The following NCAPG2 variants were observed in gnomAD, a reference collection of about 807,000 sequenced individuals.
NCAPG2 encodes the protein condensin-2 complex subunit G2.
A neutral mutation model predicts 141.1 loss-of-function variants in NCAPG2; 53 were observed. The ratio of observed to expected loss-of-function variants is 0.38; its 90% CI spans 0.30 to 0.47. The LOEUF (loss-of-function observed/expected upper bound fraction) is 0.47. Ranked by LOEUF, NCAPG2 falls within the 20% of genes least tolerant of loss-of-function variation. The pLI is 0.99. For missense variants in NCAPG2, 1,087 were observed against 1,389.0 expected (o/e 0.78, Z 3.46); for synonymous variants, 499 against 490.7 (o/e 1.02, Z -0.22).
At chr7:158,700,345 G>C (rs1835703874) in intron 2 of NCAPG2, among the ~76,000 whole-genome samples, 1 of 152,218 alleles carries the variant, frequency 6.6e-6, no homozygotes, top group Non-Finnish European at 1.5e-5. Flanking sequence ...CACACAACGG[G>C]TGGCTGGAAA....
rs1439611680 is a variant in NCAPG2 at position 158,672,469 on chromosome 7, A to C, written c.1327-803T>G. Among the ~76,000 whole-genome samples the C allele has an allele frequency of 2.7e-5, 4 of 147,778 alleles. No homozygotes were observed. In the Admixed American group the frequency reaches 2.7e-4, roughly 10 times the overall value. ...GCCATTCTCCTGCCTCAGCCCCCCA[A>C]GTAGCTGAGACTACAGGCGCCCGCC... On this transcript the variant is annotated intron_variant, in intron 12 of 27. Coordinates refer to ENST00000356309, the MANE Select transcript of NCAPG2 (RefSeq NM_017760.7).
At chr7:158,649,258 A>G (rs1334881459) in intron 24 of NCAPG2, among the ~76,000 whole-genome samples, 1 of 152,274 alleles carries the variant, frequency 6.6e-6, no homozygotes, top group Non-Finnish European at 1.5e-5. Flanking sequence ...CCACAATCAC[A>G]TATAAAATAA....
At chr7:158,632,150 T>C (rs921562300) in intron 27 of NCAPG2, among the ~76,000 whole-genome samples, 12 of 152,254 alleles carry the variant, frequency 7.9e-5, no homozygotes, top group African/African-American at 2.9e-4. Flanking sequence ...TCTAATAACC[T>C]GAAGCCTTTA....
chr7:158,666,395 G>A (rs1163268769), intron 13 of NCAPG2, among the ~76,000 whole-genome samples: 1 of 152,038 alleles, frequency 6.6e-6, no homozygotes, highest in Non-Finnish European at 1.5e-5. Context: ...CAACCAACCT[G>A]TCTGGAAATG....
chr7:158,682,856 C>A (rs1280926954), intron 9 of NCAPG2, among the ~76,000 whole-genome samples: 1 of 151,996 alleles, frequency 6.6e-6, no homozygotes, highest in Non-Finnish European at 1.5e-5. Flanking sequence ...TATCTAAATT[C>A]TGAGATTAAT....
In NCAPG2 at chr7:158,655,107, A is replaced by C; in HGVS notation, c.2646+11T>G. On this transcript the variant is annotated intron_variant, in intron 21 of 27. Coordinates refer to ENST00000356309, the MANE Select transcript of NCAPG2 (RefSeq NM_017760.7). Reference sequence around the variant, plus strand: ...TAAAGAGAAAGTTTTCTGTGTCTTAAGACTTCTAACCTGGATAATTTGCTG... The same window carrying C: ...TAAAGAGAAAGTTTTCTGTGTCTTACGACTTCTAACCTGGATAATTTGCTG... The C allele has an allele frequency of 6.3e-7, 1 of 1,593,370 alleles. No individual in the cohort carries two copies. Among genetic ancestry groups the C allele is most frequent in the Non-Finnish European group, 8.5e-7 (1 of 1,174,100 alleles).
chr7:158,659,839 C>T (rs1457358262), intron 16 of NCAPG2, among the ~76,000 whole-genome samples: 1 of 152,090 alleles, frequency 6.6e-6, no homozygotes, highest in Non-Finnish European at 1.5e-5. Flanking sequence ...TGGCTGGGCA[C>T]GGTGGCTCAC....
chr7:158,686,317 C>A, intron 7 of NCAPG2, 76 bp from the exon 8 acceptor site: 1 of 839,588 alleles, frequency 1.2e-6, no homozygotes. Flanking sequence ...TTCAGCTACT[C>A]TCCAACCATA....
rs1831776402 is a variant in NCAPG2 at position 158,654,773 on chromosome 7, A to G, written c.2647-79T>C. 6 of 1,520,220 alleles carry G rather than the reference A, an allele frequency of 3.9e-6. No individual in the cohort carries two copies. The Admixed American group carries it at 9.2e-5, about 23-fold the overall frequency. The allele number at this position is 1,520,220 out of a possible 1,614,324, so 94.2% of individuals were successfully genotyped here. ...AATCCAGCCTCACAAAGCTTCTCCT[A>G]TCCATGTGCTAGTTATCTTATAAAG... On this transcript the variant is annotated intron_variant, in intron 21 of 27. Transcript: ENST00000356309.
chr7:158,637,578 C>CCGAGCCACA (rs1461010958), intron 27 of NCAPG2, among the ~76,000 whole-genome samples: 105 of 151,830 alleles, frequency 6.9e-4, no homozygotes, highest in Middle Eastern at 3.4e-3. Context: ...AGCTCCGGCT[C>CCGAGCCACA]CAGCAGCTCC....
At chr7:158,672,261 T>G (rs1833734747) in intron 12 of NCAPG2, among the ~76,000 whole-genome samples, 1 of 139,134 alleles carries the variant, frequency 7.2e-6, no homozygotes, top group African/African-American at 2.7e-5. Flanking sequence ...TAAAAGTATA[T>G]ACGGTATTCC....
Position 158,683,392 on chromosome 7 carries a change from A to G in NCAPG2, c.838-6T>C, listed in dbSNP as rs775731942. On this transcript the variant is annotated splice_polypyrimidine_tract_variant and splice_region_variant and intron_variant, in intron 8 of 27. Coordinates refer to ENST00000356309, the MANE Select transcript of NCAPG2 (RefSeq NM_017760.7). ...ATGCAATCATTTTCAATCGCCTGAAATAACAAATGCAATGCAAAGCACTTG... is the reference window on the plus strand; with the variant it reads ...ATGCAATCATTTTCAATCGCCTGAAGTAACAAATGCAATGCAAAGCACTTG... 1.3e-6 allele frequency: 2 copies of G among 1,599,004 alleles called. No homozygotes were observed. The highest frequency in any genetic ancestry group is 1.1e-5 in the South Asian group (1 of 88,806).
chr7:158,665,279 TC>T (rs1832829932), intron 13 of NCAPG2: 1 of 154,474 alleles, frequency 6.5e-6, no homozygotes, highest in Non-Finnish European at 1.4e-5. Flanking sequence ...TAGTCTCATC[TC>T]CCCGCACCCA....
intron 27 of NCAPG2, among the ~76,000 whole-genome samples, chr7:158,636,464 C>T (rs1222445684): frequency 3.4e-5 from 5 of 146,962 alleles, no homozygotes; most frequent in East Asian, 4.1e-4. Flanking sequence ...TGCAATGGCT[C>T]GATCTGGGCT....
intron 8 of NCAPG2, among the ~76,000 whole-genome samples, chr7:158,685,937 A>G (rs761499290): frequency 1.3e-5 from 2 of 152,224 alleles, no homozygotes; most frequent in Non-Finnish European, 2.9e-5. Context: ...CAGTGAGCAC[A>G]TGGCTGGAAA....
At chr7:158,637,843 A>G (rs1279627549) in intron 27 of NCAPG2, among the ~76,000 whole-genome samples, 1 of 152,040 alleles carries the variant, frequency 6.6e-6, no homozygotes, top group Non-Finnish European at 1.5e-5. Context: ...CCAACTCCCT[A>G]TAAAAATCCC....
chr7:158,671,420 AGT>A lies in NCAPG2; in HGVS notation c.1479+92_1479+93del, dbSNP rs1425641792. ...AACTGGTCAAATCATATCAGTTATC[AGT>A]TTAAAATGTGGAATTAAAACTACTT... is the stretch of plus-strand genomic sequence containing the variant. On this transcript the variant is annotated intron_variant, in intron 13 of 27. Coordinates refer to ENST00000356309, the MANE Select transcript of NCAPG2 (RefSeq NM_017760.7). 3.2e-5 allele frequency: 46 copies of A among 1,422,784 alleles called. No homozygotes were observed. In the Admixed American group the frequency reaches 8.1e-4, roughly 25 times the overall value. The allele number at this position is 1,422,784 out of a possible 1,614,324, so 88.1% of individuals were successfully genotyped here.
At chr7:158,693,226 T>G in intron 3 of NCAPG2, 83 bp downstream of exon 3, 1 of 1,407,294 alleles carries the variant, frequency 7.1e-7, no homozygotes, top group Non-Finnish European at 9.8e-7. Context: ...TGTCTTAATG[T>G]AAAATTCAAT....
intron 13 of NCAPG2, chr7:158,667,308 TAGC>T: frequency 5.0e-6 from 2 of 402,790 alleles, no homozygotes; most frequent in Non-Finnish European, 6.0e-6. Context: ...CCTCCACCCT[TAGC>T]CGCTACTGTG....
Sources: allele counts gnomAD v4.1 joint callset (sites outside exome capture counted in the v4.1 genomes callset), GRCh38; gene constraint gnomAD v4.1.1; transcripts MANE v1.5; gene names NCBI Gene and HGNC (gene_info 2026-07-23, HGNC 2026-07-21).